Variants in PTPRT observed in about 807,000 individuals in gnomAD.
PTPRT encodes protein tyrosine phosphatase receptor type T.
PTPRT carries 56 observed loss-of-function variants against 176.8 expected under a neutral mutation model. The ratio of observed to expected loss-of-function variants is 0.32; its 90% CI spans 0.26 to 0.40. PTPRT has a LOEUF of 0.40. PTPRT is among the 10% of genes least tolerant of loss of function. PTPRT has a pLI of 1.00. For synonymous variants in PTPRT, 783 were observed against 739.0 expected (o/e 1.06, Z -0.96); for missense variants, 1,540 against 1,908.2 (o/e 0.81, Z 3.60).
Position 42,106,890 on chromosome 20 carries a change from C to T in PTPRT, c.3286G>A (p.Ala1096Thr). The T allele has an allele frequency of 2.5e-6, 4 of 1,614,146 alleles. No homozygotes were observed. The highest frequency in any genetic ancestry group is 1.7e-5 in the Admixed American group (1 of 60,016). ...GCCATGTCAAGCATGGTGTCAATGG[C>T]AATGAAGCAGCCAGTCCGCCCAGCC... is the stretch of plus-strand genomic sequence containing the variant. Reference protein sequence around the residue: ...AGAGRTGCFIAIDTMLDMAEN... With the variant: ...AGAGRTGCFITIDTMLDMAEN... The change falls in exon 24 of 31, where the codon GCC becomes ACC. Residue 1096 changes from alanine (A) to threonine (T), a missense_variant. Physicochemically the swap from Ala to Thr is moderately conservative, Grantham distance 58 (BLOSUM62 0). Transcript: ENST00000373187.
intron 2 of PTPRT, among the ~76,000 whole-genome samples, chr20:42,873,803 A>C (rs565008646): frequency 6.6e-6 from 1 of 152,206 alleles, no homozygotes; most frequent in East Asian, 1.9e-4. Context: ...ATGGGACCTC[A>C]ATGGATTACT....
intron 7 of PTPRT, among the ~76,000 whole-genome samples, chr20:42,487,766 A>G (rs1040358741): frequency 6.6e-6 from 1 of 152,206 alleles, no homozygotes; most frequent in Non-Finnish European, 1.5e-5. Flanking sequence ...CCTCCAGAAC[A>G]ATAAATCAGT....
chr20:42,279,225 A>G (rs2057099443), intron 13 of PTPRT, among the ~76,000 whole-genome samples: 1 of 152,078 alleles, frequency 6.6e-6, no homozygotes, highest in South Asian at 2.1e-4. Context: ...TAGCTTTTAT[A>G]TTCAAGGAAA....
At chr20:42,162,890 C>T (rs1292103961) in intron 16 of PTPRT, among the ~76,000 whole-genome samples, 1 of 152,214 alleles carries the variant, frequency 6.6e-6, no homozygotes, top group Non-Finnish European at 1.5e-5. Context: ...CATCGGCAAG[C>T]CTGTTCCTGG....
intron 8 of PTPRT, among the ~76,000 whole-genome samples, 173 bp from the exon 9 acceptor site, chr20:42,448,502 C>A (rs1181098427): frequency 6.6e-6 from 1 of 152,076 alleles, no homozygotes; most frequent in African/African-American, 2.4e-5. Flanking sequence ...CATTTTAGCA[C>A]AAAAATGACT....
At chr20:42,806,494 A>C (rs1445776593) in intron 2 of PTPRT, among the ~76,000 whole-genome samples, 1 of 151,990 alleles carries the variant, frequency 6.6e-6, no homozygotes, top group Non-Finnish European at 1.5e-5. Flanking sequence ...AAAAAAAAAA[A>C]AAAAAAAACC....
Position 42,751,659 on chromosome 20 carries a change from C to G in PTPRT, c.859+4803G>C, listed in dbSNP as rs142655492. The stretch of plus-strand genomic sequence containing the variant: ...GGCAGAAGAAGGTGAAAGAAGCGGA[C>G]TTGCTGAGTTTTCCTGCCTTCGTCT... On this transcript the variant is annotated intron_variant, in intron 6 of 30. Coordinates refer to ENST00000373187, the MANE Select transcript of PTPRT (RefSeq NM_007050.6). Among the ~76,000 whole-genome samples the G allele has an allele frequency of 6.7e-3, 1,015 of 152,250 alleles. 9 individuals carry two copies. Among genetic ancestry groups the G allele is most frequent in the African/African-American group, 0.024 (981 of 41,540 alleles).
the PTPRT span, among the ~76,000 whole-genome samples, chr20:42,031,911 G>A: frequency 3.9e-5 from 6 of 152,156 alleles, no homozygotes; most frequent in Non-Finnish European, 8.8e-5. Context: ...GTATCAGGCA[G>A]TTCTAAGTAC....
At chr20:42,722,316 AC>A (rs2076316543) in intron 6 of PTPRT, among the ~76,000 whole-genome samples, 1 of 152,046 alleles carries the variant, frequency 6.6e-6, no homozygotes, top group Non-Finnish European at 1.5e-5. Context: ...CCTCACACCC[AC>A]CTCCAATGCC....
intron 8 of PTPRT, among the ~76,000 whole-genome samples, chr20:42,449,777 A>T (rs774473998): frequency 1.3e-5 from 2 of 152,198 alleles, no homozygotes; most frequent in Non-Finnish European, 2.9e-5. Context: ...TTAAATTAAA[A>T]TATGTTTAGT....
At chr20:42,282,658 C>G (rs983511568) in intron 12 of PTPRT, 133 bp from the exon 13 acceptor site, 4 of 726,422 alleles carry the variant, frequency 5.5e-6, no homozygotes, top group Admixed American at 3.5e-5. Flanking sequence ...TTTAAATTTG[C>G]CCTTTCCATT....
intron 1 of PTPRT, among the ~76,000 whole-genome samples, chr20:43,115,204 T>G (rs1170852912): frequency 6.6e-6 from 1 of 152,122 alleles, no homozygotes; most frequent in Non-Finnish European, 1.5e-5. Flanking sequence ...AGATGCCCAA[T>G]TCCAATATTC....
chr20:42,075,673 C>T lies in PTPRT; in HGVS notation c.*5206G>A, dbSNP rs1374368358. Reference sequence around the variant, plus strand: ...AAGGGCCTGGCTGCTACTCCCTGGGCCTCACTTCTGTTGTGTAGAGCAGTC... The same window carrying T: ...AAGGGCCTGGCTGCTACTCCCTGGGTCTCACTTCTGTTGTGTAGAGCAGTC... On this transcript the variant is annotated 3_prime_UTR_variant, in exon 31 of 31. Transcript: ENST00000373187. 3 of 211,708 alleles carry T rather than the reference C, an allele frequency of 1.4e-5. No individual in the cohort carries two copies. Among genetic ancestry groups the T allele is most frequent in the Non-Finnish European group, 2.9e-5 (3 of 104,498 alleles). 13.1% of individuals were successfully genotyped at this position (211,708 alleles called of 1,614,324 possible).
intron 16 of PTPRT, among the ~76,000 whole-genome samples, chr20:42,166,009 C>G (rs541925523): frequency 6.6e-6 from 1 of 152,120 alleles, no homozygotes. Context: ...ATTATTAATG[C>G]TATATTTTTA....
chr20:42,789,330 G>T (rs1249563527), intron 3 of PTPRT, among the ~76,000 whole-genome samples: 1 of 152,080 alleles, frequency 6.6e-6, no homozygotes, highest in Admixed American at 6.5e-5. Context: ...TTTTAATGTG[G>T]CTACTAAACG....
chr20:42,910,774 A>G (rs1055851620), intron 1 of PTPRT, among the ~76,000 whole-genome samples: 1 of 152,200 alleles, frequency 6.6e-6, no homozygotes, highest in African/African-American at 2.4e-5. Context: ...TCAAAAGAAC[A>G]TTGTATTAGT....
At chr20:42,982,784 G>T (rs890558865) in intron 1 of PTPRT, among the ~76,000 whole-genome samples, 20 of 152,314 alleles carry the variant, frequency 1.3e-4, no homozygotes, top group Admixed American at 3.9e-4. Context: ...CTGAGGTTCA[G>T]CTCCAGGGTG....
At chr20:42,167,061 A>T (rs1181834182) in intron 16 of PTPRT, among the ~76,000 whole-genome samples, 3 of 152,196 alleles carry the variant, frequency 2.0e-5, no homozygotes, top group African/African-American at 7.2e-5. Context: ...ATCTTTCTGC[A>T]TCTCAGTTTC....
At chr20:42,674,243 T>C (rs1337477900) in intron 7 of PTPRT, among the ~76,000 whole-genome samples, 1 of 152,182 alleles carries the variant, frequency 6.6e-6, no homozygotes, top group Non-Finnish European at 1.5e-5. Context: ...TTTTGTAAAA[T>C]GTGAATTATT....
Sources: allele counts gnomAD v4.1 joint callset (sites outside exome capture counted in the v4.1 genomes callset), GRCh38; gene constraint gnomAD v4.1.1; transcripts MANE v1.5; gene names NCBI Gene and HGNC (gene_info 2026-07-23, HGNC 2026-07-21).